The following ENPP4 variants were observed in gnomAD, a reference collection of about 807,000 sequenced individuals.
ENPP4 encodes ectonucleotide pyrophosphatase/phosphodiesterase 4, also known as bis(5'-adenosyl)-triphosphatase ENPP4.
ENPP4 carries 18 observed loss-of-function variants against 33.4 expected under a neutral mutation model. The observed-to-expected ratio is 0.54, with a 90% CI of 0.37 to 0.80. The LOEUF (loss-of-function observed/expected upper bound fraction) is 0.80. Among genes scored for constraint, ENPP4 ranks in the 30% least tolerant of loss-of-function variants. The pLI is 0.00. For synonymous variants in ENPP4, 172 were observed against 189.9 expected (o/e 0.91, Z 0.78); for missense variants, 480 against 541.7 (o/e 0.89, Z 1.13).
chr6:46,138,870 A>G (rs1425428228), intron 1 of ENPP4, among the ~76,000 whole-genome samples: 2 of 151,910 alleles, frequency 1.3e-5, no homozygotes, highest in Non-Finnish European at 2.9e-5. Context: ...GAAGTTTAAG[A>G]GGGATGTGGT....
rs1764096945 is a variant in ENPP4, at chr6:46,143,373, T to G, written c.1095T>G (p.Ile365Met). The change falls in exon 4 of 4, where the codon ATT becomes ATG. Residue 365 changes from isoleucine (I) to methionine (M), a missense_variant. Ile to Met is a conservative substitution (Grantham distance 10). Around this residue, in one of 3 missense-constraint regions of ENPP4, gnomAD observed 249 missense variants for 251.8 expected, o/e 0.99. Coordinates refer to ENST00000321037, the MANE Select transcript of ENPP4 (RefSeq NM_014936.5). ...AFHKGYKHST[I>M]NIVDIYPMMC... The stretch of plus-strand genomic sequence containing the variant: ...ACAAAGGCTACAAGCATAGCACAAT[T>G]AACATTGTGGATATTTATCCAATGA... 6.2e-7 allele frequency: 1 copy of G among 1,612,308 alleles called. No homozygotes were observed. The highest frequency in any genetic ancestry group is 8.5e-7 in the Non-Finnish European group (1 of 1,178,886).
At chr6:46,130,915 A>G (rs930541253) in intron 1 of ENPP4, among the ~76,000 whole-genome samples, 1 of 152,214 alleles carries the variant, frequency 6.6e-6, no homozygotes, top group Non-Finnish European at 1.5e-5. Flanking sequence ...TTAATCAGGC[A>G]ATCTTGTGGA....
rs1331821141 is a variant in ENPP4 at position 46,141,086 on chromosome 6, T to C, written c.861T>C (p.Cys287=). 21 of 1,606,580 alleles carry C rather than the reference T, an allele frequency of 1.3e-5. No individual in the cohort carries two copies. Among genetic ancestry groups the C allele is most frequent in the Non-Finnish European group, 1.7e-5 (20 of 1,175,180 alleles). Residue 287 remains cysteine, a synonymous_variant, in exon 3 of 4, where the codon TGT becomes TGC. Transcript: ENST00000321037. ...RTEVYNKLKN[C]SPHMNVYLKE... is the part of the protein sequence containing the mutation. ...AGGTTTATAACAAACTGAAAAACTG[T>C]AGCCCTCATATGAATGTTTATCTCA...
chr6:46,144,655 G>A lies in ENPP4; in HGVS notation c.*1015G>A. The A allele has an allele frequency of 3.4e-6, 1 of 297,256 alleles. No homozygotes were observed. Among genetic ancestry groups the A allele is most frequent in the Non-Finnish European group, 6.1e-6 (1 of 163,138 alleles). The allele number at this position is 297,256 out of a possible 1,614,324, so 18.4% of individuals were successfully genotyped here. On this transcript the variant is annotated 3_prime_UTR_variant, in exon 4 of 4. Coordinates refer to ENST00000321037, the MANE Select transcript of ENPP4 (RefSeq NM_014936.5). ...TAACCTGAGGTATCCAAATGCTACA[G>A]AAAAATTTATGACCCAAATACAAAT...
Position 46,131,262 on chromosome 6 carries a change from A to G in ENPP4, c.-34+1073A>G, listed in dbSNP as rs148597948. Reference sequence around the variant, plus strand: ...CCATGCTGGTGCGCTGCACCCACTAACCCATCATCTAGCATTAGGTATATC... The same window carrying G: ...CCATGCTGGTGCGCTGCACCCACTAGCCCATCATCTAGCATTAGGTATATC... On this transcript the variant is annotated intron_variant, in intron 1 of 3. Coordinates refer to ENST00000321037, the MANE Select transcript of ENPP4 (RefSeq NM_014936.5). Among the ~76,000 whole-genome samples the G allele has an allele frequency of 5.1e-3, 781 of 151,926 alleles. 9 individuals are homozygous for G. The highest frequency in any genetic ancestry group is 0.017 in the African/African-American group (711 of 41,384).
Position 46,144,903 on chromosome 6 carries a change from A to G in ENPP4, c.*1263A>G. On this transcript the variant is annotated 3_prime_UTR_variant, in exon 4 of 4. Coordinates refer to ENST00000321037, the MANE Select transcript of ENPP4 (RefSeq NM_014936.5). Reference sequence around the variant, plus strand: ...CACAGAAATAATCCCTCTGTTTAACATGTTTGTTCAGAGCCAAGGGTTTAT... The same window carrying G: ...CACAGAAATAATCCCTCTGTTTAACGTGTTTGTTCAGAGCCAAGGGTTTAT... 1.0e-5 allele frequency: 4 copies of G among 396,134 alleles called. No individual in the cohort carries two copies. Among genetic ancestry groups the G allele is most frequent in the Non-Finnish European group, 1.8e-5 (4 of 224,232 alleles). 24.5% of individuals were successfully genotyped at this position (396,134 alleles called of 1,614,324 possible). A position where few individuals can be genotyped will look rare whatever the true frequency, so the allele number is the denominator to read the frequency against.
chr6:46,137,639 C>A (rs190192614), intron 1 of ENPP4, among the ~76,000 whole-genome samples: 151 of 151,992 alleles, frequency 9.9e-4, no homozygotes, highest in Admixed American at 3.7e-3. Context: ...TGTGGAAATA[C>A]CCATATGCCT....
In ENPP4 at chr6:46,130,065, C is replaced by A. The variant is rs1456481145; in HGVS notation, c.-158C>A. 1 of 151,860 alleles carries A rather than the reference C, an allele frequency of 6.6e-6. No individual in the cohort carries two copies. 9.4% of individuals were successfully genotyped at this position (151,860 alleles called of 1,614,324 possible). On this transcript the variant is annotated 5_prime_UTR_variant, in exon 1 of 4. Transcript: ENST00000321037. ...GGCGCGGCGCCTGCCACTGCGCAGG[C>A]GCCTCAGGAAGAGCTCGGCATCGCC... is the stretch of plus-strand genomic sequence containing the variant.
In ENPP4 at chr6:46,140,181, A is replaced by G. The variant is rs766379929; in HGVS notation, c.598A>G (p.Lys200Glu). The G allele has an allele frequency of 4.3e-6, 7 of 1,612,624 alleles. No individual in the cohort carries two copies. Among genetic ancestry groups the G allele is most frequent in the East Asian group, 4.5e-5 (2 of 44,872 alleles). Residue 200 changes from lysine (K) to glutamate (E), a missense_variant, in exon 2 of 4, where the codon AAA becomes GAA. Transcript: ENST00000321037. ...TGGCCACAAATACGGACCTGAAGAT[A>G]AAGAAAACATGAGCAGAGTGTTGAA... ...ASGHKYGPED[K>E]ENMSRVLKKI...
At chr6:46,135,735 C>T (rs1763965978) in intron 1 of ENPP4, among the ~76,000 whole-genome samples, 1 of 151,908 alleles carries the variant, frequency 6.6e-6, no homozygotes, top group South Asian at 2.1e-4. Flanking sequence ...CTCTGTTGAA[C>T]CCAGGGTTAC....
chr6:46,130,883 T>C (rs1434871317), intron 1 of ENPP4, among the ~76,000 whole-genome samples: 2 of 152,194 alleles, frequency 1.3e-5, no homozygotes, highest in Non-Finnish European at 2.9e-5. Flanking sequence ...TTACACCAGA[T>C]CTGACTCCAG....
At chr6:46,142,475 TA>T (rs1187790775) in intron 3 of ENPP4, among the ~76,000 whole-genome samples, 1 of 43,872 alleles carries the variant, frequency 2.3e-5, no homozygotes, top group Non-Finnish European at 6.8e-5. Flanking sequence ...GAAAAATATA[TA>T]TTTTTTTCTA....
At chr6:46,131,632 C>A (rs1227799044) in intron 1 of ENPP4, among the ~76,000 whole-genome samples, 1 of 152,120 alleles carries the variant, frequency 6.6e-6, no homozygotes, top group Admixed American at 6.5e-5. Flanking sequence ...GTGCATGTGT[C>A]TTTATAGCAG....
In ENPP4 at chr6:46,143,801, G is replaced by T. The variant is rs1042284385; in HGVS notation, c.*161G>T. 8.4e-6 allele frequency: 6 copies of T among 714,434 alleles called. No individual in the cohort carries two copies. Among genetic ancestry groups the T allele is most frequent in the Non-Finnish European group, 1.3e-5 (6 of 451,036 alleles). 44.3% of individuals were successfully genotyped at this position (714,434 alleles called of 1,614,324 possible). On this transcript the variant is annotated 3_prime_UTR_variant, in exon 4 of 4. Transcript: ENST00000321037. ...TTTGTTTTCCTTGTGTTTTGTTTCG[G>T]TGCATTTGCTAATAAGATAACGCTG...
chr6:46,143,684 AC>A lies in ENPP4; in HGVS notation c.*45del. 1.3e-6 allele frequency: 2 copies of A among 1,520,992 alleles called. No homozygotes were observed. Among genetic ancestry groups the A allele is most frequent in the South Asian group, 2.6e-5 (2 of 78,310 alleles). 94.2% of individuals were successfully genotyped at this position (1,520,992 alleles called of 1,614,324 possible). ...CAAAGTGTCTTTGATTAATCACAAAACTAAGAATACATCCAAAGAATAGTGT... is the reference window on the plus strand; with the variant it reads ...CAAAGTGTCTTTGATTAATCACAAAATAAGAATACATCCAAAGAATAGTGT... On this transcript the variant is annotated 3_prime_UTR_variant, in exon 4 of 4. Transcript: ENST00000321037.
At chr6:46,138,077 C>G (rs1554170840) in intron 1 of ENPP4, among the ~76,000 whole-genome samples, 1 of 151,810 alleles carries the variant, frequency 6.6e-6, no homozygotes, top group Non-Finnish European at 1.5e-5. Context: ...TCAGGGTCTT[C>G]TTAGTCTGAA....
rs1170358486 is a variant in ENPP4 at position 46,139,808 on chromosome 6, C to T, written c.225C>T (p.Tyr75=). 6.2e-7 allele frequency: 1 copy of T among 1,612,186 alleles called. No individual in the cohort carries two copies. The highest frequency in any genetic ancestry group is 1.7e-5 in the Admixed American group (1 of 59,806). Residue 75 remains tyrosine, a synonymous_variant, in exon 2 of 4, where the codon TAC becomes TAT. Coordinates refer to ENST00000321037, the MANE Select transcript of ENPP4 (RefSeq NM_014936.5). ...VFITKTFPNH[Y]SIVTGLYEES... is the part of the protein sequence containing the mutation. ...TCACAAAAACATTTCCAAACCACTA[C>T]AGTATTGTGACAGGCTTGTATGAAG...
chr6:46,140,297 TG>T lies in ENPP4; in HGVS notation c.717del (p.Met240Ter). The T allele has an allele frequency of 6.2e-7, 1 of 1,611,742 alleles. No individual in the cohort carries two copies. Among genetic ancestry groups the T allele is most frequent in the African/African-American group, 1.3e-5 (1 of 74,914 alleles). ...NLNVIITSDH[G>X]MTQCSQDRLI... ...TTAATGTGATCATTACAAGTGATCATGGGATGACCCAGTGTTCTCAGGACAG... is the reference window on the plus strand; with the variant it reads ...TTAATGTGATCATTACAAGTGATCATGGATGACCCAGTGTTCTCAGGACAG... On this transcript the variant is annotated frameshift_variant, in exon 2 of 4. Transcript: ENST00000321037. LOFTEE classifies it high-confidence loss of function.
In ENPP4 at chr6:46,144,402, C is replaced by A. The variant is rs1316086963; in HGVS notation, c.*762C>A. 2.0e-5 allele frequency: 3 copies of A among 151,684 alleles called. No individual in the cohort carries two copies. The highest frequency in any genetic ancestry group is 2.1e-4 in the South Asian group (1 of 4,826). 9.4% of individuals were successfully genotyped at this position (151,684 alleles called of 1,614,324 possible). A position where few individuals can be genotyped will look rare whatever the true frequency, so the allele number is the denominator to read the frequency against. On this transcript the variant is annotated 3_prime_UTR_variant, in exon 4 of 4. Coordinates refer to ENST00000321037, the MANE Select transcript of ENPP4 (RefSeq NM_014936.5). The stretch of plus-strand genomic sequence containing the variant: ...TTTATGTAAGTTACTTAGTTGTTTG[C>A]GTGTGCCTGTGCAAGTGTGTTTGTG...
Sources: allele counts gnomAD v4.1 joint callset (sites outside exome capture counted in the v4.1 genomes callset), GRCh38; gene constraint gnomAD v4.1.1; regional missense constraint gnomAD v4.1.1; transcripts MANE v1.5; gene names NCBI Gene and HGNC (gene_info 2026-07-23, HGNC 2026-07-21).